Variants in EPS8 observed in about 807,000 individuals in gnomAD.
The protein encoded by EPS8 is EGFR pathway substrate 8, signaling adaptor.
A neutral mutation model predicts 103.8 loss-of-function variants in EPS8; 42 were observed. That is an observed-to-expected ratio of 0.40 (90% CI 0.32 to 0.52). EPS8 has a LOEUF of 0.52. EPS8 is among the 20% of genes least tolerant of loss of function. The probability of loss-of-function intolerance (pLI) is 0.40; values close to 1 mark genes in which losing one functional copy is unlikely to be tolerated. For missense variants in EPS8, 969 were observed against 1,005.1 expected (o/e 0.96, Z 0.49); for synonymous variants, 344 against 344.6 (o/e 1.00, Z 0.02).
intron 1 of EPS8, among the ~76,000 whole-genome samples, chr12:15,773,769 G>A (rs373294107): frequency 2.0e-5 from 3 of 152,100 alleles, no homozygotes; most frequent in African/African-American, 2.4e-5. Context: ...GAAGAAAGAA[G>A]TTCCTATCTG....
intron 8 of EPS8, among the ~76,000 whole-genome samples, chr12:15,663,058 C>T (rs1414467924): frequency 6.6e-6 from 1 of 151,112 alleles, no homozygotes; most frequent in African/African-American, 2.4e-5. Flanking sequence ...TAATTAGCGG[C>T]TGTTAACTAC....
rs73311018 is a variant in EPS8 at position 15,640,563 on chromosome 12, C to T, written c.1821+140G>A. The T allele has an allele frequency of 4.4e-3, 2,694 of 615,540 alleles. 58 individuals carry two copies. The African/African-American group carries it at 0.045, about 10-fold the overall frequency. 38.1% of individuals were successfully genotyped at this position (615,540 alleles called of 1,614,324 possible). A position where few individuals can be genotyped will look rare whatever the true frequency, so the allele number is the denominator to read the frequency against. Reference sequence around the variant, plus strand: ...CCCTGTGTCTCTCACCATTGCCACTCCCCCACCAATTACTCTAGAAAAAAT... The same window carrying T: ...CCCTGTGTCTCTCACCATTGCCACTTCCCCACCAATTACTCTAGAAAAAAT... On this transcript the variant is annotated intron_variant, in intron 17 of 20. Coordinates refer to ENST00000281172, the MANE Select transcript of EPS8 (RefSeq NM_004447.6).
At chr12:15,786,855 T>G (rs1244754050) in intron 1 of EPS8, among the ~76,000 whole-genome samples, 3 of 152,184 alleles carry the variant, frequency 2.0e-5, no homozygotes, top group Admixed American at 6.5e-5. Context: ...GTAGTATTAA[T>G]AATTCCCAGG....
At chr12:15,683,231 TC>T (rs1171307658) in intron 1 of EPS8, 1 of 244,766 alleles carries the variant, frequency 4.1e-6, no homozygotes, top group Non-Finnish European at 7.7e-6. Context: ...AAAATATAGT[TC>T]TGAGTTCTCA....
intron 1 of EPS8, among the ~76,000 whole-genome samples, chr12:15,708,652 C>T (rs966695098): frequency 3.9e-5 from 6 of 152,166 alleles, no homozygotes; most frequent in Non-Finnish European, 7.3e-5. Flanking sequence ...GGTGAAATCA[C>T]GCATAAGCAA....
intron 17 of EPS8, among the ~76,000 whole-genome samples, chr12:15,638,586 T>C (rs1214900377): frequency 1.3e-5 from 2 of 151,952 alleles, no homozygotes; most frequent in African/African-American, 4.8e-5. Context: ...AAGAAGAGAG[T>C]AGGATAGTGT....
chr12:15,772,091 G>A lies in EPS8; in HGVS notation c.-22+17070C>T, dbSNP rs186495308. Among the ~76,000 whole-genome samples, 429 of 152,220 alleles carry A rather than the reference G, an allele frequency of 2.8e-3. 4 individuals are homozygous for A. The highest frequency in any genetic ancestry group is 0.017 in the Admixed American group (256 of 15,278). ...GTTAACATGATTAGCAGTGAGAGAC[G>A]GAAGAGGAGAGTGCTCTATCAGCCA... On this transcript the variant is annotated intron_variant, in intron 1 of 20. Coordinates refer to ENST00000281172, the MANE Select transcript of EPS8 (RefSeq NM_004447.6). This position sits in a 1 kb window ranked among gnomAD's most constrained non-coding sequence, Gnocchi z 5.0.
intron 1 of EPS8, among the ~76,000 whole-genome samples, chr12:15,710,178 A>T (rs1946443297): frequency 6.6e-6 from 1 of 152,210 alleles, no homozygotes; most frequent in Non-Finnish European, 1.5e-5. Context: ...TTACTTGCAT[A>T]ATGAGGAAAG....
Position 15,716,022 on chromosome 12 carries a change from CAAG to C in EPS8, c.-21-33053_-21-33051del. 6.6e-6 allele frequency among the ~76,000 whole-genome samples: 1 copy of C among 152,110 alleles called. No homozygotes were observed. The highest frequency in any genetic ancestry group is 1.9e-4 in the East Asian group (1 of 5,184). On this transcript the variant is annotated intron_variant, in intron 1 of 20. Transcript: ENST00000281172. This position sits in a 1 kb window ranked among gnomAD's most constrained non-coding sequence, Gnocchi z 5.0. The stretch of plus-strand genomic sequence containing the variant: ...ATGAGAAAATCAGTATTAAAAGTAG[CAAG>C]AAGAAAACCCTTCAAAACGAAGAAT...
intron 18 of EPS8, among the ~76,000 whole-genome samples, chr12:15,628,732 C>T (rs1944992405): frequency 6.6e-6 from 1 of 152,214 alleles, no homozygotes; most frequent in African/African-American, 2.4e-5. Flanking sequence ...CTGTTCATAG[C>T]TGCTACTTGA....
At chr12:15,783,325 C>T (rs1358111888) in intron 1 of EPS8, among the ~76,000 whole-genome samples, 1 of 152,104 alleles carries the variant, frequency 6.6e-6, no homozygotes, top group Non-Finnish European at 1.5e-5. Context: ...TGTGTGTTAA[C>T]AGACTGTGTT....
intron 1 of EPS8, among the ~76,000 whole-genome samples, chr12:15,719,388 A>G (rs1342614026): frequency 6.6e-6 from 1 of 152,202 alleles, no homozygotes; most frequent in Non-Finnish European, 1.5e-5. Context: ...CTTTAAAAGT[A>G]AAACCTGCAA....
chr12:15,677,997 T>C (rs1945939330), intron 3 of EPS8, among the ~76,000 whole-genome samples: 1 of 152,188 alleles, frequency 6.6e-6, no homozygotes, highest in Non-Finnish European at 1.5e-5. Context: ...CACCAAATCA[T>C]TCAGATTCAT....
In EPS8 at chr12:15,725,526, G is replaced by A. The variant is rs544559941; in HGVS notation, c.-21-42554C>T. On this transcript the variant is annotated intron_variant, in intron 1 of 20. Coordinates refer to ENST00000281172, the MANE Select transcript of EPS8 (RefSeq NM_004447.6). The surrounding 1 kb of genome is among the most constrained non-coding windows in gnomAD (Gnocchi z 4.5). The stretch of plus-strand genomic sequence containing the variant: ...TGCACATACATTTTGTAGTTTACAC[G>A]GCACTTCATTTACATTGTCCTGCCT... 1.9e-4 allele frequency among the ~76,000 whole-genome samples: 29 copies of A among 149,942 alleles called. No homozygotes were observed. The East Asian group carries it at 3.9e-3, about 20-fold the overall frequency.
chr12:15,641,280 C>G (rs1254068581), intron 16 of EPS8, among the ~76,000 whole-genome samples: 2 of 151,926 alleles, frequency 1.3e-5, no homozygotes, highest in African/African-American at 4.8e-5. Flanking sequence ...TAGAATCTAA[C>G]AAAGAGAAGT....
chr12:15,628,538 A>C (rs1406955033), intron 18 of EPS8, among the ~76,000 whole-genome samples: 1 of 152,242 alleles, frequency 6.6e-6, no homozygotes, highest in South Asian at 2.1e-4. Context: ...AAGCAACTAA[A>C]GTTTGGCATC....
chr12:15,756,610 A>G (rs1020158544), intron 1 of EPS8, among the ~76,000 whole-genome samples: 2 of 152,184 alleles, frequency 1.3e-5, no homozygotes, highest in Non-Finnish European at 2.9e-5. Flanking sequence ...AGGACAATAT[A>G]TTAGATACTA....
rs36075920 is a variant in EPS8 at position 15,690,981 on chromosome 12, T to TA, written c.-21-8010dup. On this transcript the variant is annotated intron_variant, in intron 1 of 20. Transcript: ENST00000281172. The surrounding 1 kb of genome is among the most constrained non-coding windows in gnomAD (Gnocchi z 4.7). ...CTAACTGTCTACACTTGGCTGAATA[T>TA]AAAAAAAACAAGCCAGATTGTCAGT... Among the ~76,000 whole-genome samples, 161 of 151,602 alleles carry TA rather than the reference T, an allele frequency of 1.1e-3. 1 individual carries two copies. Among genetic ancestry groups the TA allele is most frequent in the African/African-American group, 3.8e-3 (155 of 41,240 alleles).
At chr12:15,686,964 G>C (rs747176165) in intron 1 of EPS8, among the ~76,000 whole-genome samples, 1 of 151,946 alleles carries the variant, frequency 6.6e-6, no homozygotes, top group Non-Finnish European at 1.5e-5. Context: ...TCTATGTCTA[G>C]GTTTCAATTT....
Sources: allele counts gnomAD v4.1 joint callset (sites outside exome capture counted in the v4.1 genomes callset), GRCh38; gene constraint gnomAD v4.1.1; non-coding constraint Gnocchi (gnomAD v3.1); transcripts MANE v1.5; gene names NCBI Gene and HGNC (gene_info 2026-07-23, HGNC 2026-07-21).